The following MYLK4 variants were observed in gnomAD, a reference collection of about 807,000 sequenced individuals.
MYLK4 encodes the protein caMLCK like.
A neutral mutation model predicts 48.1 loss-of-function variants in MYLK4; 46 were observed. The observed-to-expected ratio is 0.96, with a 90% CI of 0.75 to 1.22. The LOEUF (loss-of-function observed/expected upper bound fraction) is 1.22, where lower values mean the gene tolerates loss of function less well. Ranked by LOEUF, MYLK4 falls within the 50% of genes most tolerant of loss-of-function variation. The pLI is 0.00. For synonymous variants in MYLK4, 170 were observed against 180.8 expected, an observed-to-expected ratio of 0.94 and a Z score of 0.48; for missense variants, 451 against 486.1, an observed-to-expected ratio of 0.93 and a Z score of 0.68.
chr6:2,685,564 G>A lies in MYLK4; in HGVS notation c.354C>T (p.Gly118=), dbSNP rs1761503713. The change falls in exon 5 of 13, where the codon GGC becomes GGT. Residue 118 remains glycine, a synonymous_variant. Transcript: ENST00000274643. The surrounding 1 kb of genome is among the most constrained non-coding windows in gnomAD (Gnocchi z 4.5). ...KTEILGGGRF[G]QVHKCEETAT... ...CCGTCTCCTCACACTTGTGAACCTG[G>A]CCGAAACGCCCTCTGCCAAAAAGAG... The A allele has an allele frequency of 1.2e-6, 2 of 1,614,012 alleles. No individual in the cohort carries two copies. Among genetic ancestry groups the A allele is most frequent in the Non-Finnish European group, 1.7e-6 (2 of 1,180,028 alleles).
intron 2 of MYLK4, among the ~76,000 whole-genome samples, chr6:2,704,306 G>T (rs958611847): frequency 6.6e-6 from 1 of 152,136 alleles, no homozygotes; most frequent in Non-Finnish European, 1.5e-5. Context: ...CCAGCTCCCA[G>T]ACTCCTGTGG....
At position 2,692,658 on chromosome 6, in the gene MYLK4, T is replaced by A. The variant is rs1473752089; in HGVS notation, c.235+126A>T. On this transcript the variant is annotated intron_variant, in intron 3 of 12. Coordinates refer to ENST00000274643, the MANE Select transcript of MYLK4 (RefSeq NM_001012418.5). ...AAAAAAAAAAGGGGGGGGGGGGCAT[T>A]TTTTTATAAACATCACTTCTTCCTG... is the stretch of plus-strand genomic sequence containing the variant. 3 of 717,514 alleles carry A rather than the reference T, an allele frequency of 4.2e-6. No homozygotes were observed. In the Admixed American group the frequency reaches 1.2e-4, roughly 28 times the overall value. The allele number at this position is 717,514 out of a possible 1,614,324, so 44.4% of individuals were successfully genotyped here.
chr6:2,686,539 T>C (rs1287770882), intron 4 of MYLK4, among the ~76,000 whole-genome samples: 1 of 152,236 alleles, frequency 6.6e-6, no homozygotes, highest in East Asian at 1.9e-4. Context: ...CTAGAACACG[T>C]GTCCCTGCTC....
chr6:2,685,469 C>T lies in MYLK4; in HGVS notation c.435+14G>A. The T allele has an allele frequency of 6.2e-7, 1 of 1,613,838 alleles. No individual in the cohort carries two copies. Among genetic ancestry groups the T allele is most frequent in the Non-Finnish European group, 8.5e-7 (1 of 1,179,776 alleles). ...GGGGCGGGGAGGGAGGGGACCACCT[C>T]CCACAGGCTGTACCTTGTCCTTCAT... On this transcript the variant is annotated intron_variant, in intron 5 of 12. Transcript: ENST00000274643. The surrounding 1 kb of genome is among the most constrained non-coding windows in gnomAD (Gnocchi z 4.5).
intron 2 of MYLK4, among the ~76,000 whole-genome samples, chr6:2,724,779 T>A (rs1200596461): frequency 6.6e-6 from 1 of 152,232 alleles, no homozygotes; most frequent in Non-Finnish European, 1.5e-5. Context: ...AATGTCTTGA[T>A]GATTAAGATC....
the MYLK4 span, among the ~76,000 whole-genome samples, chr6:2,763,291 G>A: frequency 3.3e-4 from 50 of 152,358 alleles, no homozygotes; most frequent in South Asian, 8.1e-3. Flanking sequence ...TTTCTGAACT[G>A]GGGCTGCAGT....
chr6:2,730,657 G>T (rs1284091093), intron 2 of MYLK4, among the ~76,000 whole-genome samples: 1 of 151,992 alleles, frequency 6.6e-6, no homozygotes, highest in African/African-American at 2.4e-5. Context: ...ATTTAATACA[G>T]AGGAGATGCT....
chr6:2,761,512 A>C, the MYLK4 span, among the ~76,000 whole-genome samples: 1 of 152,100 alleles, frequency 6.6e-6, no homozygotes, highest in Admixed American at 6.5e-5. Context: ...GACAGAGGGG[A>C]CTAGGGTTCA....
intron 2 of MYLK4, among the ~76,000 whole-genome samples, chr6:2,732,423 CTA>C (rs1345836179): frequency 6.6e-5 from 10 of 152,174 alleles, no homozygotes; most frequent in African/African-American, 9.7e-5. Context: ...TTGGCCTCTT[CTA>C]TAGATCCTAG....
chr6:2,691,617 G>A (rs773424088), intron 3 of MYLK4, among the ~76,000 whole-genome samples: 10 of 152,204 alleles, frequency 6.6e-5, no homozygotes, highest in Middle Eastern at 3.4e-3. Context: ...TTTAACTTAC[G>A]GATAAATCTA....
chr6:2,737,295 G>A (rs1763715419), intron 2 of MYLK4, among the ~76,000 whole-genome samples: 1 of 152,258 alleles, frequency 6.6e-6, no homozygotes, highest in South Asian at 2.1e-4. Context: ...CCTGGCGACA[G>A]AGCGAGACGC....
chr6:2,671,468 T>G (rs571380705), intron 11 of MYLK4, 120 bp from the exon 12 acceptor site: 2 of 906,930 alleles, frequency 2.2e-6, no homozygotes, highest in Non-Finnish European at 3.4e-6. Flanking sequence ...TCAAGAGAAG[T>G]TCTTGAAGCC....
chr6:2,683,671 G>A (rs541369677), intron 6 of MYLK4, among the ~76,000 whole-genome samples: 6 of 152,140 alleles, frequency 3.9e-5, no homozygotes, highest in South Asian at 4.2e-4. Flanking sequence ...CACCAGCCTC[G>A]GCCTCCCAAA....
intron 7 of MYLK4, among the ~76,000 whole-genome samples, chr6:2,681,625 C>T (rs1441642721): frequency 6.6e-6 from 1 of 152,116 alleles, no homozygotes; most frequent in Non-Finnish European, 1.5e-5. Flanking sequence ...AAATATAAAA[C>T]AGACTGTTTG....
At chr6:2,762,102 G>T in the MYLK4 span, among the ~76,000 whole-genome samples, 3,573 of 152,108 alleles carry the variant, frequency 0.023, 148 homozygotes, top group African/African-American at 0.081. Context: ...AGTAGACAGG[G>T]TTTCACCATG....
chr6:2,735,229 C>T (rs900480472), intron 2 of MYLK4, among the ~76,000 whole-genome samples: 25 of 152,138 alleles, frequency 1.6e-4, no homozygotes, highest in Non-Finnish European at 3.5e-4. Context: ...CATAAAGGGA[C>T]AGAAAGCACC....
At chr6:2,690,882 T>C (rs889608880) in intron 3 of MYLK4, among the ~76,000 whole-genome samples, 8 of 144,098 alleles carry the variant, frequency 5.6e-5, no homozygotes, top group African/African-American at 2.1e-4. Flanking sequence ...CAGGCTGGAG[T>C]GCAGTGGCGC....
chr6:2,752,959 T>C (rs966193213), upstream of MYLK4, among the ~76,000 whole-genome samples: 4 of 152,208 alleles, frequency 2.6e-5, no homozygotes, highest in Non-Finnish European at 5.9e-5. Context: ...AGGTTATACA[T>C]GCATACTCAT....
chr6:2,765,809 G>A, the MYLK4 span: 1 of 1,362,972 alleles, frequency 7.3e-7, no homozygotes, highest in Admixed American at 3.5e-5. Flanking sequence ...GCGGGCCAAG[G>A]GGCCCTCGCC....
Sources: gnomAD v4.1 joint callset for allele counts (sites outside exome capture counted in the v4.1 genomes callset) on GRCh38, gnomAD v4.1.1 for gene constraint, Gnocchi (gnomAD v3.1) non-coding constraint, MANE v1.5 for transcripts, NCBI Gene and HGNC (gene_info 2026-07-23, HGNC 2026-07-21) for gene names.